Variants in STPG4 observed in about 807,000 individuals in gnomAD.
STPG4 encodes protein STPG4.
Under a neutral mutation model 31.5 loss-of-function variants are expected in STPG4, and 41 were observed. That is an observed-to-expected ratio of 1.30 (90% confidence interval 1.01 to 1.69). The LOEUF is 1.69. Ranked by LOEUF, STPG4 falls within the 40% of genes most tolerant of loss-of-function variation. The pLI is 0.00. For synonymous variants in STPG4, 141 were observed against 103.0 expected, an observed-to-expected ratio of 1.37 and a Z score of -2.24; for missense variants, 375 against 293.4, an observed-to-expected ratio of 1.28 and a Z score of -2.03.
chr2:47,094,866 T>C (rs1190222381), intron 5 of STPG4, among the ~76,000 whole-genome samples: 1 of 152,240 alleles, frequency 6.6e-6, no homozygotes, highest in African/African-American at 2.4e-5. Flanking sequence ...TGGGTCATAA[T>C]GCTGTATAAC....
At position 47,155,161 on chromosome 2, in the gene STPG4, G is replaced by A. The variant is rs815805; in HGVS notation, c.81+10C>T. 175,939 of 1,611,120 alleles carry A rather than the reference G, an allele frequency of 0.11. 10,236 individuals carry two copies. Among genetic ancestry groups the A allele is most frequent in the Non-Finnish European group, 0.12 (138,720 of 1,177,352 alleles). On this transcript the variant is annotated intron_variant, in intron 1 of 6. Coordinates refer to ENST00000445927, the MANE Select transcript of STPG4 (RefSeq NM_001163561.2). ...CAGGAGCCAGGCCGGCAAGGGGCAG[G>A]CCATCTTACCGAAGCTGTGATGAAT...
intron 5 of STPG4, among the ~76,000 whole-genome samples, chr2:47,096,540 C>G (rs1055497242): frequency 1.3e-5 from 2 of 152,204 alleles, no homozygotes; most frequent in Non-Finnish European, 2.9e-5. Flanking sequence ...GATTAGTGGT[C>G]GCCGAGATAT....
chr2:47,103,528 G>A (rs957242449), intron 5 of STPG4, among the ~76,000 whole-genome samples: 1 of 151,932 alleles, frequency 6.6e-6, no homozygotes, highest in Non-Finnish European at 1.5e-5. Flanking sequence ...CCTTAGTCAT[G>A]GCCCTCAGAC....
At chr2:47,154,266 G>C (rs1003814574) in intron 1 of STPG4, among the ~76,000 whole-genome samples, 2 of 152,138 alleles carry the variant, frequency 1.3e-5, no homozygotes, top group Admixed American at 6.5e-5. Flanking sequence ...CTAAAGCTGA[G>C]CTTCTTCTTT....
At chr2:47,091,104 G>C (rs1014274301) in intron 5 of STPG4, among the ~76,000 whole-genome samples, 3 of 140,178 alleles carry the variant, frequency 2.1e-5, no homozygotes, top group Admixed American at 7.6e-5. Context: ...AGAACAGAGA[G>C]AGGAAGGAAG....
intron 5 of STPG4, among the ~76,000 whole-genome samples, chr2:47,125,334 T>C (rs929535855): frequency 3.3e-5 from 5 of 152,102 alleles, no homozygotes; most frequent in Non-Finnish European, 5.9e-5. Flanking sequence ...AGGGGAAGGA[T>C]TGCTTACACT....
At chr2:47,104,732 C>T (rs908096806) in intron 5 of STPG4, among the ~76,000 whole-genome samples, 14 of 152,036 alleles carry the variant, frequency 9.2e-5, no homozygotes, top group African/African-American at 3.4e-4. Context: ...TTACTTTTGG[C>T]TACCAGTTTG....
chr2:47,140,751 C>T (rs189906330), intron 3 of STPG4, among the ~76,000 whole-genome samples: 21 of 152,258 alleles, frequency 1.4e-4, no homozygotes, highest in African/African-American at 4.1e-4. Flanking sequence ...CAGCGTGACA[C>T]CATTTTGAGA....
chr2:47,099,178 C>T (rs1344536475), intron 5 of STPG4, among the ~76,000 whole-genome samples: 1 of 152,166 alleles, frequency 6.6e-6, no homozygotes, highest in African/African-American at 2.4e-5. Flanking sequence ...ATGCCAAGGA[C>T]GCCCAGGTAA....
chr2:47,134,634 G>A (rs984490044), intron 3 of STPG4, among the ~76,000 whole-genome samples: 1 of 152,182 alleles, frequency 6.6e-6, no homozygotes, highest in Non-Finnish European at 1.5e-5. Context: ...GCTTCCAAAT[G>A]TGGGCAATTA....
At chr2:47,116,450 C>G (rs963280509) in intron 5 of STPG4, among the ~76,000 whole-genome samples, 3 of 152,132 alleles carry the variant, frequency 2.0e-5, no homozygotes, top group Non-Finnish European at 2.9e-5. Context: ...ACTAGTTAAA[C>G]ATCTGTGAAA....
At chr2:47,100,028 C>G (rs1339116945) in intron 5 of STPG4, among the ~76,000 whole-genome samples, 2 of 152,116 alleles carry the variant, frequency 1.3e-5, no homozygotes, top group East Asian at 3.9e-4. Context: ...CTTCCATGGG[C>G]TCCTGTACAG....
Position 47,151,394 on chromosome 2 carries a change from C to G in STPG4, c.263G>C (p.Arg88Thr). Residue 88 changes from arginine (R) to threonine (T), a missense_variant, in exon 3 of 7, where the codon AGA becomes ACA. Transcript: ENST00000445927. ...EGRKKPPLVQ[R>T]NNPVLNDLPQ... ...AAGATCATTTAGGACTGGATTGTTT[C>G]TTTGCACAAGAGGTGGCTTTTTCCT... The G allele has an allele frequency of 6.2e-7, 1 of 1,614,194 alleles. No homozygotes were observed. Among genetic ancestry groups the G allele is most frequent in the Non-Finnish European group, 8.5e-7 (1 of 1,180,028 alleles).
intron 5 of STPG4, among the ~76,000 whole-genome samples, chr2:47,105,281 G>A (rs13033349): frequency 0.055 from 8,368 of 151,942 alleles, 427 homozygotes; most frequent in African/African-American, 0.11. Flanking sequence ...GGCTGGCCTC[G>A]CTGTTTAAGG....
At chr2:47,102,723 A>G (rs563621929) in intron 5 of STPG4, among the ~76,000 whole-genome samples, 1 of 150,596 alleles carries the variant, frequency 6.6e-6, no homozygotes, top group Admixed American at 6.6e-5. Context: ...TCTCCAAAGG[A>G]CCATAAAAAA....
At chr2:47,142,446 T>C (rs1420895126) in intron 3 of STPG4, among the ~76,000 whole-genome samples, 1 of 152,028 alleles carries the variant, frequency 6.6e-6, no homozygotes, top group Non-Finnish European at 1.5e-5. Context: ...ACCTAGGAAA[T>C]AAATAAGAGA....
At chr2:47,111,016 A>T (rs1402784482) in intron 5 of STPG4, among the ~76,000 whole-genome samples, 1 of 152,232 alleles carries the variant, frequency 6.6e-6, no homozygotes, top group Admixed American at 6.5e-5. Flanking sequence ...ATATCTTTGT[A>T]TAGGTGAATA....
chr2:47,097,868 A>T (rs1040742829), intron 5 of STPG4, among the ~76,000 whole-genome samples: 1 of 151,836 alleles, frequency 6.6e-6, no homozygotes, highest in Admixed American at 6.6e-5. Flanking sequence ...CTGTAATCCC[A>T]GCACTTTTGG....
At position 47,151,473 on chromosome 2, in the gene STPG4, C is replaced by T. The variant is rs375315225; in HGVS notation, c.184G>A (p.Glu62Lys). 13 of 1,613,746 alleles carry T rather than the reference C, an allele frequency of 8.1e-6. No homozygotes were observed. The highest frequency in any genetic ancestry group is 1.6e-4 in the Middle Eastern group (1 of 6,082). The change falls in exon 3 of 7, where the codon GAA becomes AAA. Residue 62 changes from glutamate to lysine, a missense_variant. By Grantham distance (56) the Glu-to-Lys change is moderately conservative (BLOSUM62 1). Coordinates refer to ENST00000445927, the MANE Select transcript of STPG4 (RefSeq NM_001163561.2). ...PGTYHLKTFI[E>K]ESLLNPVIAT... ...ATCACTGGATTTAATAGGGATTCTT[C>T]AATAAAAGTTTTCAAGTGGTAAGTG...
Sources: gnomAD v4.1 joint callset for allele counts (sites outside exome capture counted in the v4.1 genomes callset) on GRCh38, gnomAD v4.1.1 for gene constraint, MANE v1.5 for transcripts, NCBI Gene and HGNC (gene_info 2026-07-23, HGNC 2026-07-21) for gene names.